CACNA1E: variants seen among roughly 807,000 people sequenced by gnomAD.
CACNA1E encodes the protein voltage-dependent R-type calcium channel subunit alpha-1E.
CACNA1E carries 40 observed loss-of-function variants against 259.2 expected under a neutral mutation model. The observed-to-expected ratio is 0.15, with a 90% CI of 0.12 to 0.20. The LOEUF is 0.20. CACNA1E is among the 10% of genes least tolerant of loss of function. The pLI is 1.00. For synonymous variants in CACNA1E, 1,104 were observed against 1,138.5 expected, an observed-to-expected ratio of 0.97 and a Z score of 0.61; for missense variants, 1,874 against 3,040.1, an observed-to-expected ratio of 0.62 and a Z score of 9.02.
At chr1:181,388,826 G>A (rs1557962719) in intron 1 of CACNA1E, among the ~76,000 whole-genome samples, 1 of 152,042 alleles carries the variant, frequency 6.6e-6, no homozygotes. Flanking sequence ...GGGGTGTGGA[G>A]GTTGCAGTAA....
intron 1 of CACNA1E, among the ~76,000 whole-genome samples, chr1:181,331,724 G>A (rs948641127): frequency 3.3e-5 from 5 of 152,132 alleles, no homozygotes; most frequent in African/African-American, 1.2e-4. Context: ...AAAGTTGTGA[G>A]GGCTCGGGTG....
At chr1:181,515,137 G>C (rs182675736) in intron 3 of CACNA1E, among the ~76,000 whole-genome samples, 1 of 152,014 alleles carries the variant, frequency 6.6e-6, no homozygotes, top group Non-Finnish European at 1.5e-5. Context: ...TGTGGTTGCA[G>C]GTTCCTTTAG....
At chr1:181,761,281 A>T (rs1315450194) in intron 32 of CACNA1E, among the ~76,000 whole-genome samples, 1 of 152,108 alleles carries the variant, frequency 6.6e-6, no homozygotes, top group Non-Finnish European at 1.5e-5. Context: ...CTCTCTCCAC[A>T]TTCCTTTTCT....
chr1:181,474,994 T>C (rs1662750858), intron 2 of CACNA1E, among the ~76,000 whole-genome samples: 1 of 152,226 alleles, frequency 6.6e-6, no homozygotes. Flanking sequence ...TCTGGGTTGA[T>C]GTCCACTCAA....
chr1:181,443,466 C>A (rs1660622212), intron 2 of CACNA1E, among the ~76,000 whole-genome samples: 1 of 152,196 alleles, frequency 6.6e-6, no homozygotes, highest in Non-Finnish European at 1.5e-5. Flanking sequence ...TTGGAGATGA[C>A]TAAGAAAATA....
chr1:181,699,455 C>T (rs1023416978), intron 7 of CACNA1E, among the ~76,000 whole-genome samples: 15 of 152,072 alleles, frequency 9.9e-5, no homozygotes, highest in African/African-American at 3.1e-4. Context: ...CGCCAGTGGT[C>T]GGGAAGAGAG....
chr1:181,389,018 C>T (rs961976582), intron 1 of CACNA1E, among the ~76,000 whole-genome samples: 1 of 152,188 alleles, frequency 6.6e-6, no homozygotes, highest in African/African-American at 2.4e-5. Context: ...CTGCTTACAA[C>T]ATTTTCATCA....
rs1661031178 is a variant in CACNA1E at position 181,788,489 on chromosome 1, A to G, written c.5787-1956A>G. 2.6e-5 allele frequency among the ~76,000 whole-genome samples: 4 copies of G among 152,238 alleles called. No homozygotes were observed. The South Asian group carries it at 8.3e-4, about 32-fold the overall frequency. The stretch of plus-strand genomic sequence containing the variant: ...TTTCAGTGATTTACTTACAGTTCTG[A>G]TAAGTGCTAGAAAGAGTTTACAGAG... On this transcript the variant is annotated intron_variant, in intron 43 of 47. Transcript: ENST00000367573.
chr1:181,358,299 C>G (rs1653608355), intron 1 of CACNA1E, among the ~76,000 whole-genome samples: 1 of 152,178 alleles, frequency 6.6e-6, no homozygotes, highest in Admixed American at 6.5e-5. Context: ...ATTCCTTGGT[C>G]AGGACCTTTT....
intron 2 of CACNA1E, among the ~76,000 whole-genome samples, chr1:181,416,882 C>T (rs1335360458): frequency 2.6e-5 from 4 of 152,186 alleles, no homozygotes; most frequent in African/African-American, 9.7e-5. Context: ...TTTACTGCCT[C>T]TCTTCCCCAC....
rs1352160615 is a variant in CACNA1E, at chr1:181,726,602, G to T, written c.2240+440G>T. Among the ~76,000 whole-genome samples, 3 of 152,214 alleles carry T rather than the reference G, an allele frequency of 2.0e-5. No individual in the cohort carries two copies. The East Asian group carries it at 5.8e-4, about 29-fold the overall frequency. ...GAGGGGAAATAGAGAAAGGGCCAGG[G>T]AGGGGGCAGGGGCCAACTCGGAGGT... On this transcript the variant is annotated intron_variant, in intron 18 of 47. Transcript: ENST00000367573.
At chr1:181,765,983 A>G (rs566106667) in intron 34 of CACNA1E, among the ~76,000 whole-genome samples, 5 of 152,222 alleles carry the variant, frequency 3.3e-5, no homozygotes, top group Admixed American at 6.5e-5. Flanking sequence ...TTTGCATGAA[A>G]CATAATAAAA....
At position 181,521,217 on chromosome 1, in the gene CACNA1E, A is replaced by G. The variant is rs1283480510; in HGVS notation, c.512+9707A>G. On this transcript the variant is annotated intron_variant, in intron 3 of 47. Coordinates refer to ENST00000367573, the MANE Select transcript of CACNA1E (RefSeq NM_001205293.3). ...GGTGGCTGCTTCACATGTCAGATGC[A>G]TTGGAAACAATTTACATCACTGTGG... Among the ~76,000 whole-genome samples the G allele has an allele frequency of 2.0e-5, 3 of 152,192 alleles. No individual in the cohort carries two copies. The East Asian group carries it at 5.8e-4, about 29-fold the overall frequency.
upstream of CACNA1E, chr1:181,483,494 CTTTTTTCT>C (rs1291969972): frequency 4.2e-6 from 1 of 238,412 alleles, no homozygotes; most frequent in South Asian, 1.4e-4. Flanking sequence ...CTTTTTTTTT[CTTTTTTCT>C]TTTTTTTTTT....
At chr1:181,598,023 G>T (rs922698386) in intron 6 of CACNA1E, among the ~76,000 whole-genome samples, 1 of 152,164 alleles carries the variant, frequency 6.6e-6, no homozygotes, top group Non-Finnish European at 1.5e-5. Context: ...GCTTACAGAG[G>T]TTAAAGGATC....
intron 7 of CACNA1E, among the ~76,000 whole-genome samples, chr1:181,658,854 C>A (rs530149309): frequency 2.6e-5 from 4 of 152,104 alleles, no homozygotes; most frequent in African/African-American, 4.8e-5. Context: ...TTTTCTCATT[C>A]TGAAGCTCAG....
chr1:181,333,803 G>T (rs139246242), intron 1 of CACNA1E, among the ~76,000 whole-genome samples: 1 of 152,008 alleles, frequency 6.6e-6, no homozygotes, highest in Non-Finnish European at 1.5e-5. Context: ...TTACAGGCAT[G>T]TACCACCACG....
chr1:181,732,972 C>T lies in CACNA1E; in HGVS notation c.2886C>T (p.Leu962=), dbSNP rs371385735. The T allele has an allele frequency of 6.2e-7, 1 of 1,613,572 alleles. No homozygotes were observed. Among genetic ancestry groups the T allele is most frequent in the African/African-American group, 1.3e-5 (1 of 74,920 alleles). The change falls in exon 20 of 48, where the codon CTC becomes CTT. Residue 962 remains leucine, a synonymous_variant. Transcript: ENST00000367573. The surrounding 1 kb of genome is among the most constrained non-coding windows in gnomAD (Gnocchi z 5.5). ...MPTEGEKDHE[L]RGNHGAKEPT... is the part of the protein sequence containing the mutation. ...CTGAAGGGGAGAAGGACCATGAGCT[C>T]AGGGGCAACCATGGTGCCAAGGAGC...
Position 181,798,940 on chromosome 1 carries a change from T to C in CACNA1E, c.*106T>C. ...GGGGGAGGAAGAGGGAAAAGGAAGA[T>C]GGAAGGACACCATGCATTATCAGAG... On this transcript the variant is annotated 3_prime_UTR_variant, in exon 48 of 48. Coordinates refer to ENST00000367573, the MANE Select transcript of CACNA1E (RefSeq NM_001205293.3). This position sits in a 1 kb window ranked among gnomAD's most constrained non-coding sequence, Gnocchi z 4.2. 1.0e-6 allele frequency: 1 copy of C among 981,962 alleles called. No homozygotes were observed. The highest frequency in any genetic ancestry group is 2.1e-5 in the South Asian group (1 of 47,418). The allele number at this position is 981,962 out of a possible 1,614,324, so 60.8% of individuals were successfully genotyped here.
Sources: allele counts gnomAD v4.1 joint callset (sites outside exome capture counted in the v4.1 genomes callset), GRCh38; gene constraint gnomAD v4.1.1; non-coding constraint Gnocchi (gnomAD v3.1); transcripts MANE v1.5; gene names NCBI Gene and HGNC (gene_info 2026-07-23, HGNC 2026-07-21).